NUSAP1: variants seen among roughly 807,000 people sequenced by gnomAD.
NUSAP1 encodes nucleolar and spindle-associated protein 1.
In NUSAP1, 32 loss-of-function variants were observed where a neutral mutation model predicts 52.8. That is an observed-to-expected ratio of 0.61 (90% CI 0.46 to 0.81). The LOEUF (loss-of-function observed/expected upper bound fraction) is 0.81, where lower values mean the gene tolerates loss of function less well. Ranked by LOEUF, NUSAP1 falls within the 40% of genes least tolerant of loss-of-function variation. The pLI is 0.00. For synonymous variants in NUSAP1, 195 were observed against 183.1 expected, an observed-to-expected ratio of 1.06 and a Z score of -0.52; for missense variants, 499 against 522.3, an observed-to-expected ratio of 0.96 and a Z score of 0.43.
intron 2 of NUSAP1, among the ~76,000 whole-genome samples, chr15:41,345,089 C>T (rs1295423099): frequency 6.6e-6 from 1 of 151,888 alleles, no homozygotes; most frequent in African/African-American, 2.4e-5. Context: ...AGCCTGGACC[C>T]CCCAGGCTCA....
intron 9 of NUSAP1, 77 bp downstream of exon 9, chr15:41,375,905 A>C: frequency 1.0e-6 from 1 of 972,700 alleles, no homozygotes; most frequent in South Asian, 1.3e-5. Context: ...ACACCTACTA[A>C]ACATACAAAA....
Position 41,351,141 on chromosome 15 carries a change from A to G in NUSAP1, c.448+12A>G, listed in dbSNP as rs771593156. On this transcript the variant is annotated intron_variant, in intron 4 of 10. Transcript: ENST00000559596. ...TGCTGTTTCCTCAGGTAAACGTGGA[A>G]TAAATGGTATGTCAAGTAACTTTAA... The G allele has an allele frequency of 5.0e-6, 8 of 1,603,358 alleles. No homozygotes were observed. In the South Asian group the frequency reaches 7.9e-5, roughly 16 times the overall value.
intron 2 of NUSAP1, among the ~76,000 whole-genome samples, chr15:41,342,837 C>CA (rs991388075): frequency 3.3e-5 from 5 of 149,784 alleles, no homozygotes; most frequent in South Asian, 2.1e-4. Flanking sequence ...AGACTCCGTT[C>CA]AAAAAACAAA....
Position 41,332,967 on chromosome 15 carries a change from C to T in NUSAP1, c.10C>T (p.Pro4Ser). 2 of 1,610,076 alleles carry T rather than the reference C, an allele frequency of 1.2e-6. No individual in the cohort carries two copies. Among genetic ancestry groups the T allele is most frequent in the Non-Finnish European group, 1.7e-6 (2 of 1,177,974 alleles). Residue 4 changes from proline (P) to serine (S), a missense_variant, in exon 1 of 11, where the codon CCC (proline) becomes TCC (serine). Physicochemically the swap from Pro to Ser is moderately conservative, Grantham distance 74. Coordinates refer to ENST00000559596, the MANE Select transcript of NUSAP1 (RefSeq NM_016359.5). Reference sequence around the variant, plus strand: ...GGGATTTCGAATCGCGATGATCATCCCCTCTCTAGAGGAGCTGGACTCCCT... The same window carrying T: ...GGGATTTCGAATCGCGATGATCATCTCCTCTCTAGAGGAGCTGGACTCCCT... MII[P>S]SLEELDSLKY...
intron 7 of NUSAP1, among the ~76,000 whole-genome samples, chr15:41,370,666 C>G (rs1205364611): frequency 2.7e-5 from 4 of 149,056 alleles, no homozygotes; most frequent in Non-Finnish European, 5.9e-5. Context: ...AGTAGAATCG[C>G]TTGAACCTGG....
In NUSAP1 at chr15:41,333,162, T is replaced by G; in HGVS notation, c.93+112T>G. Reference sequence around the variant, plus strand: ...AGCCCGGGACTGAGGCAGCTCTCCCTGCCCCTCGGGCAGTAGATGTGGTTC... The same window carrying G: ...AGCCCGGGACTGAGGCAGCTCTCCCGGCCCCTCGGGCAGTAGATGTGGTTC... On this transcript the variant is annotated intron_variant, in intron 1 of 10. Coordinates refer to ENST00000559596, the MANE Select transcript of NUSAP1 (RefSeq NM_016359.5). 3 of 757,198 alleles carry G rather than the reference T, an allele frequency of 4.0e-6. No individual in the cohort carries two copies. The South Asian group carries it at 4.6e-5, about 12-fold the overall frequency. 46.9% of individuals were successfully genotyped at this position (757,198 alleles called of 1,614,324 possible).
intron 6 of NUSAP1, among the ~76,000 whole-genome samples, chr15:41,359,798 A>G (rs760826393): frequency 1.5e-4 from 22 of 151,490 alleles, no homozygotes; most frequent in Non-Finnish European, 2.5e-4. Context: ...ACACCCAGCT[A>G]ATTTTTTTAT....
intron 5 of NUSAP1, among the ~76,000 whole-genome samples, chr15:41,356,784 T>G (rs141335915): frequency 9.8e-5 from 15 of 152,328 alleles, no homozygotes; most frequent in African/African-American, 3.6e-4. Context: ...TATGAACTAC[T>G]TGGTACAATA....
At chr15:41,369,970 A>G (rs1296149658) in intron 7 of NUSAP1, among the ~76,000 whole-genome samples, 2 of 151,948 alleles carry the variant, frequency 1.3e-5, no homozygotes, top group Non-Finnish European at 2.9e-5. Context: ...TGGGAGGCTG[A>G]GGCAAGAAGA....
At chr15:41,352,429 T>A (rs2048811289) in intron 4 of NUSAP1, among the ~76,000 whole-genome samples, 1 of 152,094 alleles carries the variant, frequency 6.6e-6, no homozygotes, top group Admixed American at 6.6e-5. Context: ...CACCAAGCAG[T>A]TAAATCTGGA....
chr15:41,362,168 A>G (rs1367457056), intron 6 of NUSAP1, among the ~76,000 whole-genome samples: 1 of 152,044 alleles, frequency 6.6e-6, no homozygotes, highest in Non-Finnish European at 1.5e-5. Context: ...TGGGCAACAT[A>G]GAACAACCCC....
chr15:41,365,635 G>C, intron 7 of NUSAP1, 46 bp downstream of exon 7: 1 of 1,448,412 alleles, frequency 6.9e-7, no homozygotes, highest in Non-Finnish European at 9.2e-7. Context: ...GATTTCACAT[G>C]GACTATATAA....
At chr15:41,342,328 C>T (rs1280828557) in intron 1 of NUSAP1, 58 bp from the exon 2 acceptor site, 5 of 1,166,410 alleles carry the variant, frequency 4.3e-6, no homozygotes, top group Non-Finnish European at 6.3e-6. Flanking sequence ...AAAAAATATT[C>T]AACGTATCTT....
chr15:41,376,320 A>C (rs985249327), intron 9 of NUSAP1, among the ~76,000 whole-genome samples: 5 of 151,488 alleles, frequency 3.3e-5, no homozygotes, highest in Admixed American at 2.0e-4. Context: ...AATCGCTTGA[A>C]CCTAGGAGGC....
At chr15:41,361,105 A>T (rs1402986760) in intron 6 of NUSAP1, among the ~76,000 whole-genome samples, 1 of 149,554 alleles carries the variant, frequency 6.7e-6, no homozygotes, top group South Asian at 2.1e-4. Flanking sequence ...AAAAACAAAA[A>T]AAATAGGCCA....
At chr15:41,375,390 G>C (rs1293750973) in intron 8 of NUSAP1, among the ~76,000 whole-genome samples, 4 of 151,960 alleles carry the variant, frequency 2.6e-5, no homozygotes, top group South Asian at 2.1e-4. Flanking sequence ...TGGTCAGGCT[G>C]GTCTTGAACT....
rs1170100657 is a variant in NUSAP1, at chr15:41,380,638, A to T, written c.*452A>T. ...GCCACCTCTTCACTCTCTATAGAAT[A>T]TAGTAACCTTTATGAAACGGGGCCA... On this transcript the variant is annotated 3_prime_UTR_variant, in exon 11 of 11. Coordinates refer to ENST00000559596, the MANE Select transcript of NUSAP1 (RefSeq NM_016359.5). 6.5e-6 allele frequency: 1 copy of T among 153,856 alleles called. No individual in the cohort carries two copies. The highest frequency in any genetic ancestry group is 2.4e-5 in the African/African-American group (1 of 41,468). 9.5% of individuals were successfully genotyped at this position (153,856 alleles called of 1,614,324 possible).
Position 41,380,125 on chromosome 15 carries a change from G to A in NUSAP1, c.1265G>A (p.Arg422Gln), listed in dbSNP as rs370147837. The A allele has an allele frequency of 2.8e-5, 44 of 1,587,592 alleles. No homozygotes were observed. Among genetic ancestry groups the A allele is most frequent in the Non-Finnish European group, 3.2e-5 (37 of 1,166,940 alleles). ...CAACGGAAGAAACGCGAGCAAGAAC[G>A]AAAGGAGAAGAAAGCAAAGGTTTTG... ...EEQRKKREQE[R>Q]KEKKAKVLGM... Residue 422 changes from arginine to glutamine, a missense_variant, in exon 11 of 11, where the codon CGA becomes CAA. Transcript: ENST00000559596.
intron 7 of NUSAP1, among the ~76,000 whole-genome samples, chr15:41,368,461 C>G (rs2049510532): frequency 6.6e-6 from 1 of 152,136 alleles, no homozygotes; most frequent in Admixed American, 6.6e-5. Flanking sequence ...TCCTCAAATA[C>G]CAATATCGTA....
Sources: gnomAD v4.1 joint callset for allele counts (sites outside exome capture counted in the v4.1 genomes callset) on GRCh38, gnomAD v4.1.1 for gene constraint, MANE v1.5 for transcripts, NCBI Gene and HGNC (gene_info 2026-07-23, HGNC 2026-07-21) for gene names.